The following DAB1 variants were observed in gnomAD, a reference collection of about 807,000 sequenced individuals.
The protein encoded by DAB1 is DAB adaptor protein 1.
A neutral mutation model predicts 64.6 loss-of-function variants in DAB1; 15 were observed. That is an observed-to-expected ratio of 0.23 (90% CI 0.16 to 0.36). DAB1 has a LOEUF of 0.36. DAB1 is among the 10% of genes least tolerant of loss of function. DAB1 has a pLI of 1.00. For synonymous variants in DAB1, 235 were observed against 251.9 expected (o/e 0.93, Z 0.64); for missense variants, 596 against 706.7 (o/e 0.84, Z 1.78).
At chr1:58,140,587 A>C (rs1399172208) in intron 5 of DAB1, among the ~76,000 whole-genome samples, 1 of 152,130 alleles carries the variant, frequency 6.6e-6, no homozygotes, top group African/African-American at 2.4e-5. Context: ...TAAAAAAAAA[A>C]AATCTCTAAT....
chr1:57,204,529 A>C (rs562949011), intron 2 of DAB1, among the ~76,000 whole-genome samples: 1 of 151,698 alleles, frequency 6.6e-6, no homozygotes, highest in Non-Finnish European at 1.5e-5. Flanking sequence ...ATTAGCTCTC[A>C]GTTTGGATCT....
intron 5 of DAB1, among the ~76,000 whole-genome samples, chr1:57,927,402 G>A (rs1644894264): frequency 6.6e-6 from 1 of 152,098 alleles, no homozygotes; most frequent in African/African-American, 2.4e-5. Context: ...GGAAGGCTGA[G>A]GAGGGAGGAT....
chr1:57,602,028 A>T (rs1645581119), intron 7 of DAB1, among the ~76,000 whole-genome samples: 2 of 152,228 alleles, frequency 1.3e-5, no homozygotes, highest in South Asian at 4.1e-4. Context: ...GAAGTCTCGT[A>T]TAGCTTTATA....
At chr1:57,197,055 G>T (rs939288658) in intron 2 of DAB1, among the ~76,000 whole-genome samples, 8 of 152,196 alleles carry the variant, frequency 5.3e-5, no homozygotes, top group African/African-American at 1.9e-4. Flanking sequence ...CGATAACTTG[G>T]CCAGGCGCCG....
chr1:58,056,783 G>A (rs1254909507), intron 5 of DAB1, among the ~76,000 whole-genome samples: 1 of 151,352 alleles, frequency 6.6e-6, no homozygotes, highest in East Asian at 1.9e-4. Flanking sequence ...TATTCACTCC[G>A]TTGGCTTCCT....
chr1:57,038,700 T>G (rs888196442), intron 9 of DAB1, among the ~76,000 whole-genome samples: 2 of 152,200 alleles, frequency 1.3e-5, no homozygotes, highest in Admixed American at 1.3e-4. Context: ...AAAAGTTACA[T>G]CTTCCCTTGA....
At chr1:58,398,397 C>T (rs1312580053) in intron 3 of DAB1, among the ~76,000 whole-genome samples, 1 of 152,250 alleles carries the variant, frequency 6.6e-6, no homozygotes, top group East Asian at 1.9e-4. Flanking sequence ...CCAAGACAGG[C>T]ACTGTCCTCT....
intron 5 of DAB1, among the ~76,000 whole-genome samples, chr1:58,149,537 G>C (rs2100730030): frequency 6.6e-6 from 1 of 152,240 alleles, no homozygotes; most frequent in South Asian, 2.1e-4. Flanking sequence ...GGTTCATACA[G>C]GGCTTCGGAT....
chr1:57,379,514 A>G (rs1558272134), intron 1 of DAB1, among the ~76,000 whole-genome samples: 1 of 152,194 alleles, frequency 6.6e-6, no homozygotes, highest in African/African-American at 2.4e-5. Flanking sequence ...GAATAAAGGT[A>G]AACTGGGTAA....
At chr1:57,787,013 A>T (rs1650368534) in intron 6 of DAB1, among the ~76,000 whole-genome samples, 1 of 152,308 alleles carries the variant, frequency 6.6e-6, no homozygotes, top group Admixed American at 6.5e-5. Flanking sequence ...AGAATTCAGA[A>T]AAGACCTAAA....
At chr1:57,339,435 C>T (rs1020690028) in intron 1 of DAB1, among the ~76,000 whole-genome samples, 2 of 152,190 alleles carry the variant, frequency 1.3e-5, no homozygotes, top group African/African-American at 4.8e-5. Context: ...GGATTACAGG[C>T]GTGAGCACTG....
intron 8 of DAB1, among the ~76,000 whole-genome samples, chr1:57,068,800 T>C (rs547725911): frequency 6.6e-6 from 1 of 152,196 alleles, no homozygotes; most frequent in African/African-American, 2.4e-5. Context: ...TCTCTCTGAG[T>C]CTCACCCTAT....
chr1:58,420,189 A>T (rs1052032049), intron 3 of DAB1, among the ~76,000 whole-genome samples: 4 of 152,218 alleles, frequency 2.6e-5, no homozygotes, highest in African/African-American at 9.6e-5. Context: ...TTGTTAAAAG[A>T]ATTTCACAGA....
At chr1:57,804,168 A>G (rs551310537) in intron 6 of DAB1, among the ~76,000 whole-genome samples, 123 of 152,340 alleles carry the variant, frequency 8.1e-4, no homozygotes, top group South Asian at 1.2e-3. Flanking sequence ...CAATGGATCA[A>G]AATGGGGGCA....
At chr1:57,702,918 G>C (rs1406179728) in intron 6 of DAB1, among the ~76,000 whole-genome samples, 1 of 152,092 alleles carries the variant, frequency 6.6e-6, no homozygotes, top group Non-Finnish European at 1.5e-5. Flanking sequence ...TCAAAAACCT[G>C]ACAAAAATAA....
chr1:57,416,266 G>A (rs780065203), intron 1 of DAB1, among the ~76,000 whole-genome samples: 3 of 152,128 alleles, frequency 2.0e-5, no homozygotes, highest in African/African-American at 2.4e-5. Context: ...GATGTCCCTT[G>A]CATATATCAA....
chr1:57,188,013 C>T (rs1159673409), intron 2 of DAB1, among the ~76,000 whole-genome samples: 5 of 152,112 alleles, frequency 3.3e-5, no homozygotes, highest in Non-Finnish European at 7.4e-5. Context: ...CAGGCAGGCA[C>T]TAGTAAAGTG....
chr1:57,697,171 C>T (rs1646854457), intron 6 of DAB1, among the ~76,000 whole-genome samples: 2 of 152,094 alleles, frequency 1.3e-5, no homozygotes, highest in South Asian at 4.1e-4. Flanking sequence ...ATGCCTTGCA[C>T]AGTTCCTGGC....
intron 3 of DAB1, among the ~76,000 whole-genome samples, chr1:58,416,308 A>G (rs1569747731): frequency 6.6e-6 from 1 of 152,156 alleles, no homozygotes; most frequent in African/African-American, 2.4e-5. Flanking sequence ...CATGACCCCA[A>G]AGAAAGTTAT....
Sources: gnomAD v4.1 joint callset for allele counts (sites outside exome capture counted in the v4.1 genomes callset) on GRCh38, gnomAD v4.1.1 for gene constraint, MANE v1.5 for transcripts, NCBI Gene and HGNC (gene_info 2026-07-23, HGNC 2026-07-21) for gene names.